CSF2RA: variants seen among roughly 807,000 people sequenced by gnomAD.
CSF2RA encodes colony stimulating factor 2 receptor subunit alpha, also known as granulocyte-macrophage colony-stimulating factor receptor subunit alpha.
Under a neutral mutation model 51.6 loss-of-function variants are expected in CSF2RA, and 42 were observed. The observed-to-expected ratio is 0.81, with a 90% CI of 0.64 to 1.05. The LOEUF is 1.05. CSF2RA is among the 50% of genes least tolerant of loss of function. The pLI is 0.00. For synonymous variants in CSF2RA, 222 were observed against 193.0 expected (o/e 1.15, Z -1.24); for missense variants, 530 against 501.1 (o/e 1.06, Z -0.55).
the CSF2RA span, among the ~76,000 whole-genome samples, chrX:1,320,190 C>T: frequency 5.9e-5 from 9 of 151,950 alleles, no homozygotes; most frequent in Non-Finnish European, 1.0e-4. Flanking sequence ...CCACTGCGCC[C>T]GGCCTGTTTG....
At chrX:1,292,101 C>T (rs761544374) in intron 7 of CSF2RA, among the ~76,000 whole-genome samples, 2 of 151,638 alleles carry the variant, frequency 1.3e-5, no homozygotes, top group South Asian at 4.2e-4. Context: ...GCACCACCTC[C>T]ACCTGGACCC....
the CSF2RA span, among the ~76,000 whole-genome samples, chrX:1,323,816 C>T: frequency 1.3e-5 from 2 of 151,408 alleles, no homozygotes; most frequent in African/African-American, 4.9e-5. Flanking sequence ...AGATCGAAAC[C>T]ATCCTGGCTA....
intron 12 of CSF2RA, among the ~76,000 whole-genome samples, chrX:1,306,349 T>C (rs746925928): frequency 1.3e-5 from 2 of 150,806 alleles, no homozygotes; most frequent in African/African-American, 4.9e-5. Context: ...ACAACAAACA[T>C]AAAGACCCAG....
At chrX:1,289,438 GGTT>G (rs1248258535) in intron 6 of CSF2RA, among the ~76,000 whole-genome samples, 3 of 151,972 alleles carry the variant, frequency 2.0e-5, no homozygotes, top group African/African-American at 4.8e-5. Flanking sequence ...CTGTTTTTTT[GGTT>G]GTTGTTTTGT....
At chrX:1,314,474 A>ATTGCAC (rs2084386959), downstream of CSF2RA, among the ~76,000 whole-genome samples, 2 of 24,022 alleles carry the variant, frequency 8.3e-5, no homozygotes, top group African/African-American at 3.5e-4. Context: ...CCCAACCCCA[A>ATTGCAC]TGCACCTACC....
chrX:1,317,645 CATTTCTGTAACGTGCAA>C, the CSF2RA span, among the ~76,000 whole-genome samples: 6 of 150,844 alleles, frequency 4.0e-5, no homozygotes, highest in South Asian at 1.0e-3. Flanking sequence ...CTCAGGTCAC[CATTTCTGTAACGTGCAA>C]ATTTCTGTAA....
intron 10 of CSF2RA, among the ~76,000 whole-genome samples, chrX:1,303,660 G>C (rs2083247581): frequency 6.6e-6 from 1 of 152,174 alleles, no homozygotes; most frequent in South Asian, 2.1e-4. Context: ...ACAGGCGTGA[G>C]CCACCGCATC....
At chrX:1,314,575 C>T (rs1477212459), downstream of CSF2RA, among the ~76,000 whole-genome samples, 31 of 58,216 alleles carry the variant, frequency 5.3e-4, 2 homozygotes, top group African/African-American at 1.8e-3. Context: ...CCCACTGCAC[C>T]TGCCCAACCC....
At chrX:1,280,960 T>TG (rs2089901925) in intron 2 of CSF2RA, among the ~76,000 whole-genome samples, 2 of 107,480 alleles carry the variant, frequency 1.9e-5, no homozygotes, top group South Asian at 4.0e-4. Context: ...CTCCTCCTCC[T>TG]CCTTCTCCTC....
intron 7 of CSF2RA, among the ~76,000 whole-genome samples, chrX:1,293,226 T>C (rs1230639766): frequency 5.3e-5 from 8 of 152,088 alleles, no homozygotes; most frequent in African/African-American, 1.9e-4. Flanking sequence ...TGTTTGTTTG[T>C]TTTTCTGAGA....
At chrX:1,310,164 G>A (rs149848279), downstream of CSF2RA, 997 of 212,680 alleles carry the variant, frequency 4.7e-3, 9 homozygotes, top group Middle Eastern at 0.021. Context: ...TCCAGCCTGG[G>A]TAACAAACTA....
In CSF2RA at chrX:1,294,276, G is replaced by T. The variant is rs1266209178; in HGVS notation, c.647-52G>T. On this transcript the variant is annotated intron_variant, in intron 7 of 12. Transcript: ENST00000381529. ...TCTGCACCACCTCCACCTGGACCCA[G>T]TGTAGACAGGACCTCTCGGGTTCAG... 3.1e-6 allele frequency: 5 copies of T among 1,610,950 alleles called. No individual in the cohort carries two copies. In the South Asian group the frequency reaches 3.3e-5, roughly 11 times the overall value.
intron 2 of CSF2RA, among the ~76,000 whole-genome samples, chrX:1,280,327 C>T (rs1164234982): frequency 6.6e-6 from 1 of 151,964 alleles, no homozygotes; most frequent in Non-Finnish European, 1.5e-5. Context: ...CAAAATTAGC[C>T]TGGCATAATG....
intron 1 of CSF2RA, among the ~76,000 whole-genome samples, chrX:1,273,073 G>C: frequency 6.6e-6 from 1 of 152,038 alleles, no homozygotes; most frequent in South Asian, 2.1e-4. Context: ...ACACGCCTCA[G>C]CCTCCCAAAG....
At chrX:1,315,960 TA>T in the CSF2RA span, among the ~76,000 whole-genome samples, 1 of 150,770 alleles carries the variant, frequency 6.6e-6, no homozygotes, top group Non-Finnish European at 1.5e-5. Flanking sequence ...AGATGATAGA[TA>T]AATAGATGAT....
In CSF2RA at chrX:1,285,925, G is replaced by C; in HGVS notation, c.219+5G>C. 2 of 1,613,792 alleles carry C rather than the reference G, an allele frequency of 1.2e-6. No individual in the cohort carries two copies. Among genetic ancestry groups the C allele is most frequent in the Non-Finnish European group, 1.7e-6 (2 of 1,179,834 alleles). ...AACAGAGTCGTGGAACCCAGGGTGAGACGAATTTCCCATTCTCAACCCCTG... is the reference window on the plus strand; with the variant it reads ...AACAGAGTCGTGGAACCCAGGGTGACACGAATTTCCCATTCTCAACCCCTG... On this transcript the variant is annotated splice_donor_5th_base_variant and intron_variant, in intron 4 of 12. Transcript: ENST00000381529.
At chrX:1,279,541 G>C (rs1397975842) in intron 2 of CSF2RA, among the ~76,000 whole-genome samples, 2 of 151,506 alleles carry the variant, frequency 1.3e-5, no homozygotes, top group Non-Finnish European at 2.9e-5. Flanking sequence ...GCATCTCTAG[G>C]GTGCCACAGG....
the CSF2RA span, among the ~76,000 whole-genome samples, chrX:1,316,139 AGAT>A: frequency 6.6e-6 from 1 of 152,052 alleles, no homozygotes; most frequent in African/African-American, 2.4e-5. Context: ...ATACATAGAT[AGAT>A]GATAGATTAG....
At chrX:1,285,581 G>C (rs2090535877) in intron 3 of CSF2RA, 197 bp from the exon 4 acceptor site, 1 of 678,838 alleles carries the variant, frequency 1.5e-6, no homozygotes, top group Non-Finnish European at 2.5e-6. Context: ...TGTCATCCCA[G>C]CTACTCGGGA....
Sources: gnomAD v4.1 joint callset for allele counts (sites outside exome capture counted in the v4.1 genomes callset) on GRCh38, gnomAD v4.1.1 for gene constraint, MANE v1.5 for transcripts, NCBI Gene and HGNC (gene_info 2026-07-23, HGNC 2026-07-21) for gene names.